MAF: variants seen among roughly 807,000 people sequenced by gnomAD.
The protein encoded by MAF is MAF bZIP transcription factor, also known as transcription factor Maf.
In MAF, 10 loss-of-function variants were observed where a neutral mutation model predicts 22.0. The ratio of observed to expected loss-of-function variants is 0.45; its 90% CI spans 0.28 to 0.77. The LOEUF is 0.77. Among genes scored for constraint, MAF ranks in the 30% least tolerant of loss-of-function variants. The pLI, the probability that MAF is intolerant of heterozygous loss-of-function variation, is 0.12. For synonymous variants in MAF, 337 were observed against 255.8 expected, an observed-to-expected ratio of 1.32 and a Z score of -3.03; for missense variants, 544 against 548.4, an observed-to-expected ratio of 0.99 and a Z score of 0.08.
the MAF span, among the ~76,000 whole-genome samples, chr16:79,463,281 A>G: frequency 5.9e-5 from 9 of 152,214 alleles, no homozygotes; most frequent in African/African-American, 2.2e-4. Context: ...CCCACACACC[A>G]TGGTAGGTAC....
the MAF span, among the ~76,000 whole-genome samples, chr16:79,257,542 C>T: frequency 1.3e-5 from 2 of 152,112 alleles, no homozygotes; most frequent in African/African-American, 2.4e-5. Flanking sequence ...GGCAGTGGGT[C>T]ATGGTGAGTG....
chr16:79,398,597 G>A, the MAF span, among the ~76,000 whole-genome samples: 1 of 152,128 alleles, frequency 6.6e-6, no homozygotes, highest in Non-Finnish European at 1.5e-5. Context: ...CAACATCACA[G>A]GCTTGTGGCT....
chr16:79,356,829 G>C, the MAF span, among the ~76,000 whole-genome samples: 2 of 152,326 alleles, frequency 1.3e-5, no homozygotes, highest in East Asian at 1.9e-4. Flanking sequence ...GCTTGCACTT[G>C]TGGGTCTTTT....
the MAF span, among the ~76,000 whole-genome samples, chr16:79,301,485 T>A: frequency 6.6e-6 from 1 of 152,310 alleles, no homozygotes; most frequent in South Asian, 2.1e-4. Context: ...AAAGGGAGAC[T>A]GTCTTAGTCC....
chr16:79,291,893 G>T, the MAF span, among the ~76,000 whole-genome samples: 2 of 150,704 alleles, frequency 1.3e-5, no homozygotes, highest in Admixed American at 6.6e-5. Context: ...ATAGAGAATT[G>T]CAGGTGTGAT....
At chr16:79,214,960 TCAGCCCCC>T in the MAF span, among the ~76,000 whole-genome samples, 36 of 152,052 alleles carry the variant, frequency 2.4e-4, no homozygotes, top group African/African-American at 8.0e-4. Flanking sequence ...TCCACCCACC[TCAGCCCCC>T]CAAAGTGCTG....
the MAF span, among the ~76,000 whole-genome samples, chr16:79,236,585 G>C: frequency 6.6e-6 from 1 of 152,140 alleles, no homozygotes; most frequent in South Asian, 2.1e-4. Context: ...ACAGTATTAA[G>C]ACACAGAAGG....
the MAF span, among the ~76,000 whole-genome samples, chr16:79,571,452 G>C: frequency 6.6e-5 from 10 of 151,362 alleles, no homozygotes; most frequent in East Asian, 3.9e-4. Context: ...AGCTTCTAGT[G>C]GTCATTTCCA....
the MAF span, among the ~76,000 whole-genome samples, chr16:79,319,628 G>A: frequency 6.6e-6 from 1 of 152,152 alleles, no homozygotes; most frequent in East Asian, 1.9e-4. Context: ...GCATTTCTCT[G>A]ATTATTCTTA....
chr16:79,247,326 T>A, the MAF span, among the ~76,000 whole-genome samples: 2 of 152,334 alleles, frequency 1.3e-5, no homozygotes, highest in Admixed American at 1.3e-4. Flanking sequence ...GAAATGAATA[T>A]GGATTTGATA....
chr16:79,306,878 T>C, the MAF span, among the ~76,000 whole-genome samples: 3 of 152,332 alleles, frequency 2.0e-5, no homozygotes, highest in East Asian at 3.9e-4. Flanking sequence ...ATGATAACAG[T>C]AGCTGCATTA....
chr16:79,383,492 G>T, the MAF span, among the ~76,000 whole-genome samples: 3 of 152,144 alleles, frequency 2.0e-5, no homozygotes, highest in Non-Finnish European at 4.4e-5. Context: ...TTCTCACCAA[G>T]TTGGTTTTGA....
chr16:79,359,627 G>A, the MAF span, among the ~76,000 whole-genome samples: 3 of 152,164 alleles, frequency 2.0e-5, no homozygotes, highest in East Asian at 1.9e-4. Flanking sequence ...AAATCATTAC[G>A]GAAATCAATT....
At chr16:79,370,532 C>T in the MAF span, among the ~76,000 whole-genome samples, 1 of 152,156 alleles carries the variant, frequency 6.6e-6, no homozygotes, top group South Asian at 2.1e-4. Context: ...ATATGAGCAT[C>T]TATAAGGAGC....
chr16:79,509,828 T>C, the MAF span, among the ~76,000 whole-genome samples: 1 of 152,186 alleles, frequency 6.6e-6, no homozygotes, highest in Non-Finnish European at 1.5e-5. Flanking sequence ...AGCCTCTTCT[T>C]ATCAATGCCT....
At chr16:79,436,092 T>C in the MAF span, among the ~76,000 whole-genome samples, 2 of 152,234 alleles carry the variant, frequency 1.3e-5, no homozygotes, top group Non-Finnish European at 2.9e-5. Flanking sequence ...TTTTATTATT[T>C]ATTTATTTGA....
chr16:79,449,037 C>T, the MAF span, among the ~76,000 whole-genome samples: 1 of 152,160 alleles, frequency 6.6e-6, no homozygotes, highest in Non-Finnish European at 1.5e-5. Context: ...TCCAATGAGA[C>T]AGTCCCATCT....
chr16:79,217,420 T>C, the MAF span, among the ~76,000 whole-genome samples: 6 of 152,240 alleles, frequency 3.9e-5, no homozygotes, highest in African/African-American at 1.2e-4. Flanking sequence ...TATTTAAGAA[T>C]GAGCTCTGGC....
At chr16:79,592,736 G>A (rs138865843), downstream of MAF, among the ~76,000 whole-genome samples, 49 of 152,242 alleles carry the variant, frequency 3.2e-4, 1 homozygote, top group African/African-American at 1.1e-3. Context: ...ATAATCAGCG[G>A]AGATAAAAAT....
Sources: allele counts gnomAD v4.1 joint callset (sites outside exome capture counted in the v4.1 genomes callset), GRCh38; gene constraint gnomAD v4.1.1; transcripts MANE v1.5; gene names NCBI Gene and HGNC (gene_info 2026-07-23, HGNC 2026-07-21).